Variants in CDH3 observed in about 807,000 individuals in gnomAD.
CDH3 encodes cadherin-3.
CDH3 carries 54 observed loss-of-function variants against 82.0 expected under a neutral mutation model. That is an observed-to-expected ratio of 0.66 (90% CI 0.53 to 0.83). The LOEUF (loss-of-function observed/expected upper bound fraction) is 0.83. Among genes scored for constraint, CDH3 ranks in the 40% least tolerant of loss-of-function variants. The pLI, the probability that CDH3 is intolerant of heterozygous loss-of-function variation, is 0.00. For missense variants in CDH3, 1,054 were observed against 1,084.6 expected (o/e 0.97, Z 0.40); for synonymous variants, 446 against 437.9 (o/e 1.02, Z -0.23).
At chr16:68,726,307 A>C (rs1190891268) in intron 2 of CDH3, among the ~76,000 whole-genome samples, 1 of 152,094 alleles carries the variant, frequency 6.6e-6, no homozygotes, top group Non-Finnish European at 1.5e-5. Flanking sequence ...TGCTCCCCTG[A>C]CCTGTGGCTG....
chr16:68,691,627 A>G, intron 12 of CDH3, 93 bp from the exon 13 acceptor site: 1 of 953,618 alleles, frequency 1.0e-6, no homozygotes, highest in East Asian at 2.4e-5. Context: ...CATTGCCCAC[A>G]TGTGGAAGCC....
intron 1 of CDH3, among the ~76,000 whole-genome samples, chr16:68,717,420 A>C (rs748730932): frequency 1.3e-5 from 2 of 151,564 alleles, no homozygotes; most frequent in Non-Finnish European, 3.0e-5. Context: ...TCCCCAACCA[A>C]ACTCATGTTG....
intron 2 of CDH3, among the ~76,000 whole-genome samples, chr16:68,666,441 A>G (rs1342573775): frequency 1.3e-5 from 2 of 152,172 alleles, no homozygotes; most frequent in South Asian, 2.1e-4. Flanking sequence ...TGGGCCTCCC[A>G]GCATGCCCAG....
At chr16:68,658,761 G>A (rs537892524) in intron 2 of CDH3, among the ~76,000 whole-genome samples, 10 of 152,140 alleles carry the variant, frequency 6.6e-5, no homozygotes, top group East Asian at 1.9e-4. Context: ...GTCTTTTTCC[G>A]CTTCCAGAAG....
the CDH3 span, among the ~76,000 whole-genome samples, chr16:68,732,937 G>A: frequency 6.6e-6 from 1 of 151,158 alleles, no homozygotes; most frequent in Non-Finnish European, 1.5e-5. Flanking sequence ...GATAACCTGA[G>A]GAGCTTTAGT....
intron 1 of CDH3, among the ~76,000 whole-genome samples, chr16:68,719,214 G>C (rs1242014016): frequency 4.0e-5 from 6 of 148,476 alleles, no homozygotes; most frequent in Non-Finnish European, 7.4e-5. Flanking sequence ...TTGCACTCCA[G>C]CCTGGGCAAA....
At chr16:68,709,224 T>G (rs1288598065) in intron 1 of CDH3, among the ~76,000 whole-genome samples, 1 of 152,118 alleles carries the variant, frequency 6.6e-6, no homozygotes, top group Non-Finnish European at 1.5e-5. Context: ...TACAGGTGTG[T>G]ACCACCACCC....
At chr16:68,680,766 T>G (rs1961198068) in intron 7 of CDH3, among the ~76,000 whole-genome samples, 1 of 152,168 alleles carries the variant, frequency 6.6e-6, no homozygotes, top group Non-Finnish European at 1.5e-5. Flanking sequence ...GAGAACTATT[T>G]GGATCACTCG....
chr16:68,667,898 C>T (rs1311118827), intron 2 of CDH3, among the ~76,000 whole-genome samples: 2 of 152,128 alleles, frequency 1.3e-5, no homozygotes, highest in Admixed American at 6.5e-5. Flanking sequence ...GTTAATTTCT[C>T]TTTTTATTTA....
intron 2 of CDH3, among the ~76,000 whole-genome samples, chr16:68,671,970 G>C (rs890426355): frequency 6.6e-6 from 1 of 152,126 alleles, no homozygotes; most frequent in African/African-American, 2.4e-5. Flanking sequence ...GAAAAATTGA[G>C]AAAATAAGTT....
At position 68,687,772 on chromosome 16, in the gene CDH3, A is replaced by ACTGGTGG. The variant is rs1231510391; in HGVS notation, c.1795+36_1795+37insCTGGTGG. 2.0e-6 allele frequency: 3 copies of ACTGGTGG among 1,472,928 alleles called. No homozygotes were observed. In the African/African-American group the frequency reaches 4.1e-5, roughly 20 times the overall value. The allele number at this position is 1,472,928 out of a possible 1,614,324, so 91.2% of individuals were successfully genotyped here. The stretch of plus-strand genomic sequence containing the variant: ...GAGTGGTGGTAGCGGGTGGGGTGCC[A>ACTGGTGG]GCCCCACTGGTGGGCATCTGCCCCA... On this transcript the variant is annotated intron_variant, in intron 12 of 15. Transcript: ENST00000264012.
intron 2 of CDH3, 35 bp downstream of exon 2, chr16:68,645,785 C>T (rs1447932247): frequency 1.4e-6 from 2 of 1,471,766 alleles, no homozygotes; most frequent in Non-Finnish European, 9.2e-7. Flanking sequence ...AGGGTAGGGG[C>T]CGCACGTGAC....
chr16:68,681,160 G>T, intron 8 of CDH3, 64 bp downstream of exon 8: 1 of 1,589,160 alleles, frequency 6.3e-7, no homozygotes, highest in Non-Finnish European at 8.6e-7. Context: ...GCCTTTCTCA[G>T]GAAACTGGAA....
intron 1 of CDH3, among the ~76,000 whole-genome samples, chr16:68,717,513 T>G (rs1962108775): frequency 6.6e-6 from 1 of 152,074 alleles, no homozygotes; most frequent in Non-Finnish European, 1.5e-5. Flanking sequence ...TGGCTCACGC[T>G]TGTAATTCCA....
chr16:68,714,083 G>C lies in CDH3; in HGVS notation c.100-8342G>C, dbSNP rs1176618044. 2.6e-5 allele frequency among the ~76,000 whole-genome samples: 4 copies of C among 152,030 alleles called. No individual in the cohort carries two copies. In the South Asian group the frequency reaches 8.3e-4, roughly 32 times the overall value. Reference sequence around the variant, plus strand: ...CAAGTAGCTGGGATTACAGGTACACGCTACCATGCCCAGCTAATTTTTATA... The same window carrying C: ...CAAGTAGCTGGGATTACAGGTACACCCTACCATGCCCAGCTAATTTTTATA... On this transcript the variant is annotated intron_variant, in intron 1 of 2. Transcript: ENST00000569080.
At chr16:68,690,830 G>A (rs1961547142) in intron 12 of CDH3, among the ~76,000 whole-genome samples, 3 of 146,860 alleles carry the variant, frequency 2.0e-5, no homozygotes, top group African/African-American at 5.0e-5. Context: ...TAGCTTGAAC[G>A]TGGGAGGCGG....
intron 1 of CDH3, among the ~76,000 whole-genome samples, chr16:68,713,609 G>A (rs949739749): frequency 3.9e-5 from 6 of 152,014 alleles, no homozygotes; most frequent in Non-Finnish European, 7.4e-5. Context: ...TGACCTTTCC[G>A]GAACGCAGAT....
At chr16:68,729,142 T>G (rs559035408), downstream of CDH3, among the ~76,000 whole-genome samples, 5 of 152,140 alleles carry the variant, frequency 3.3e-5, no homozygotes, top group East Asian at 7.7e-4. Context: ...CCGTCTCTAC[T>G]AAAAATACAA....
At chr16:68,682,179 G>A in intron 8 of CDH3, 123 bp from the exon 9 acceptor site, 2 of 1,078,778 alleles carry the variant, frequency 1.9e-6, no homozygotes, top group Non-Finnish European at 2.8e-6. Context: ...CCGCAAAGTG[G>A]GTGGGTGGTC....
Sources: gnomAD v4.1 joint callset for allele counts (sites outside exome capture counted in the v4.1 genomes callset) on GRCh38, gnomAD v4.1.1 for gene constraint, MANE v1.5 for transcripts, NCBI Gene and HGNC (gene_info 2026-07-23, HGNC 2026-07-21) for gene names.